MAGI2: variants seen among roughly 807,000 people sequenced by gnomAD.
The protein encoded by MAGI2 is membrane-associated guanylate kinase, WW and PDZ domain-containing protein 2.
A neutral mutation model predicts 133.3 loss-of-function variants in MAGI2; 35 were observed. The observed-to-expected ratio is 0.26, with a 90% CI of 0.20 to 0.35. The LOEUF is 0.35. Among genes scored for constraint, MAGI2 ranks in the 10% least tolerant of loss-of-function variants. The pLI is 1.00. For missense variants in MAGI2, 1,636 were observed against 1,863.4 expected (o/e 0.88, Z 2.25); for synonymous variants, 729 against 710.6 (o/e 1.03, Z -0.41).
intron 21 of MAGI2, among the ~76,000 whole-genome samples, chr7:78,067,630 TA>T (rs1383238103): frequency 6.6e-6 from 1 of 152,198 alleles, no homozygotes; most frequent in African/African-American, 2.4e-5. Flanking sequence ...GTTGTTCTAT[TA>T]AAAAAATATT....
intron 1 of MAGI2, among the ~76,000 whole-genome samples, chr7:79,222,516 TA>T (rs1830515327): frequency 1.3e-5 from 2 of 152,052 alleles, no homozygotes; most frequent in East Asian, 3.9e-4. Context: ...TAATTTGTTT[TA>T]AATCACGACT....
intron 1 of MAGI2, among the ~76,000 whole-genome samples, chr7:79,380,257 G>A (rs1480570869): frequency 6.6e-6 from 1 of 151,922 alleles, no homozygotes; most frequent in African/African-American, 2.4e-5. Context: ...ATCTGACAAA[G>A]GGCTAATATC....
At chr7:78,828,701 A>T (rs1790879081) in intron 2 of MAGI2, among the ~76,000 whole-genome samples, 1 of 152,172 alleles carries the variant, frequency 6.6e-6, no homozygotes, top group African/African-American at 2.4e-5. Flanking sequence ...TATACTTGTG[A>T]TGTATGATGT....
At chr7:78,299,224 A>C (rs1047911675) in intron 9 of MAGI2, among the ~76,000 whole-genome samples, 1 of 152,162 alleles carries the variant, frequency 6.6e-6, no homozygotes, top group African/African-American at 2.4e-5. Flanking sequence ...TCTTAAAACT[A>C]TTTTTTACTG....
At chr7:78,308,842 T>G (rs1282668741) in intron 9 of MAGI2, among the ~76,000 whole-genome samples, 1 of 152,238 alleles carries the variant, frequency 6.6e-6, no homozygotes, top group East Asian at 1.9e-4. Context: ...GGCTTAGAAT[T>G]ATCAGATAGA....
intron 2 of MAGI2, among the ~76,000 whole-genome samples, chr7:78,832,359 T>C (rs1485573505): frequency 1.3e-5 from 2 of 152,212 alleles, no homozygotes; most frequent in East Asian, 3.9e-4. Context: ...TAAAGTAGGG[T>C]TGGAAATACA....
At position 78,127,241 on chromosome 7, in the gene MAGI2, G is replaced by A. The variant is rs758472567; in HGVS notation, c.3379C>T (p.Pro1127Ser). 3 of 1,606,676 alleles carry A rather than the reference G, an allele frequency of 1.9e-6. No individual in the cohort carries two copies. The highest frequency in any genetic ancestry group is 1.7e-5 in the Admixed American group (1 of 58,632). ...PPLLDYRQHS[P>S]DTRQYPLSDY... is the part of the protein sequence containing the mutation. Reference sequence around the variant, plus strand: ...GACAGAGGGTACTGCCTGGTGTCGGGGGAGTGCTGCCTGTAGTCCAGTAGG... The same window carrying A: ...GACAGAGGGTACTGCCTGGTGTCGGAGGAGTGCTGCCTGTAGTCCAGTAGG... The change falls in exon 19 of 22, where the codon CCC becomes TCC. Residue 1127 changes from proline (P) to serine (S), a missense_variant. By Grantham distance (74) the Pro-to-Ser change is moderately conservative. Transcript: ENST00000354212.
At chr7:78,448,341 G>C in intron 6 of MAGI2, among the ~76,000 whole-genome samples, 1 of 151,906 alleles carries the variant, frequency 6.6e-6, no homozygotes, top group Non-Finnish European at 1.5e-5. Flanking sequence ...AATTTTCTGA[G>C]GAACTTCCAT....
At chr7:78,369,355 C>T in intron 6 of MAGI2, 142 bp from the exon 7 acceptor site, 1 of 607,554 alleles carries the variant, frequency 1.6e-6, no homozygotes, top group Non-Finnish European at 2.9e-6. Context: ...AATTTCAGAA[C>T]ATATTATAGA....
intron 16 of MAGI2, among the ~76,000 whole-genome samples, chr7:78,140,625 C>A (rs1215218871): frequency 6.6e-6 from 1 of 152,166 alleles, no homozygotes; most frequent in Non-Finnish European, 1.5e-5. Context: ...GAATCTGTGA[C>A]CTGATGTGAA....
intron 2 of MAGI2, among the ~76,000 whole-genome samples, chr7:78,723,912 C>T (rs1343535012): frequency 2.0e-5 from 3 of 152,002 alleles, no homozygotes; most frequent in Admixed American, 6.6e-5. Context: ...AAGCCACACT[C>T]GGGAATAACA....
chr7:78,902,377 TAA>T (rs902235435), intron 2 of MAGI2: 7 of 152,152 alleles, frequency 4.6e-5, no homozygotes, highest in African/African-American at 1.7e-4. Flanking sequence ...GATTTTAAAA[TAA>T]AATCATTTTA....
intron 20 of MAGI2, among the ~76,000 whole-genome samples, chr7:78,116,802 C>G (rs1194513718): frequency 6.6e-6 from 1 of 151,862 alleles, no homozygotes; most frequent in Non-Finnish European, 1.5e-5. Flanking sequence ...TACTTGAGCT[C>G]AGGAGGTTGA....
intron 15 of MAGI2, among the ~76,000 whole-genome samples, chr7:78,165,599 A>T (rs994111304): frequency 6.6e-6 from 1 of 152,138 alleles, no homozygotes; most frequent in African/African-American, 2.4e-5. Flanking sequence ...TCCCACACAC[A>T]GCACTGCTCC....
intron 3 of MAGI2, among the ~76,000 whole-genome samples, chr7:78,549,754 A>G (rs1274769514): frequency 1.3e-5 from 2 of 152,208 alleles, no homozygotes; most frequent in African/African-American, 4.8e-5. Flanking sequence ...ATAAAACACA[A>G]GTATAATATG....
At chr7:78,790,252 G>C (rs1425235875) in intron 2 of MAGI2, among the ~76,000 whole-genome samples, 1 of 152,080 alleles carries the variant, frequency 6.6e-6, no homozygotes, top group African/African-American at 2.4e-5. Context: ...GAAAGTGGCT[G>C]TCTTACTTGG....
intron 1 of MAGI2, among the ~76,000 whole-genome samples, chr7:79,033,990 T>C (rs1477721154): frequency 6.6e-6 from 1 of 152,104 alleles, no homozygotes; most frequent in Non-Finnish European, 1.5e-5. Flanking sequence ...AACTATTAAT[T>C]TTTAGTATAT....
chr7:79,001,759 T>C (rs1481048847), intron 2 of MAGI2, among the ~76,000 whole-genome samples: 3 of 152,204 alleles, frequency 2.0e-5, no homozygotes, highest in African/African-American at 4.8e-5. Context: ...TTCTTTCATA[T>C]ATTTTCGAAT....
At chr7:79,035,954 A>C (rs1402449110) in intron 1 of MAGI2, among the ~76,000 whole-genome samples, 1 of 152,250 alleles carries the variant, frequency 6.6e-6, no homozygotes, top group Non-Finnish European at 1.5e-5. Context: ...TAATTTAAAA[A>C]TTGTTTGAAT....
Sources: allele counts gnomAD v4.1 joint callset (sites outside exome capture counted in the v4.1 genomes callset), GRCh38; gene constraint gnomAD v4.1.1; transcripts MANE v1.5; gene names NCBI Gene and HGNC (gene_info 2026-07-23, HGNC 2026-07-21).